Variants in LTN1 observed in about 807,000 individuals in gnomAD.
The protein encoded by LTN1 is listerin E3 ubiquitin protein ligase 1.
Under a neutral mutation model 201.2 loss-of-function variants are expected in LTN1, and 88 were observed. That is an observed-to-expected ratio of 0.44 (90% CI 0.37 to 0.52). LTN1 has a LOEUF of 0.52. Ranked by LOEUF, LTN1 falls within the 20% of genes least tolerant of loss-of-function variation. The pLI, the probability that LTN1 is intolerant of heterozygous loss-of-function variation, is 0.00. For missense variants in LTN1, 1,752 were observed against 2,038.7 expected, an observed-to-expected ratio of 0.86 and a Z score of 2.71; for synonymous variants, 645 against 713.5, an observed-to-expected ratio of 0.90 and a Z score of 1.53.
At chr21:28,985,281 G>T (rs1374013053) in intron 3 of LTN1, among the ~76,000 whole-genome samples, 1 of 151,912 alleles carries the variant, frequency 6.6e-6, no homozygotes, top group Non-Finnish European at 1.5e-5. Flanking sequence ...CCAACATGGT[G>T]AAACCCCGTC....
Position 28,944,443 on chromosome 21 carries a change from T to C in LTN1, c.3922A>G (p.Lys1308Glu). The stretch of plus-strand genomic sequence containing the variant: ...TGGATGCCTTGGGAAAAAAATTCTT[T>C]CCATTCACTGATTAGATTTACAGGA... ...NLPVNLISEW[K>E]EFFSQGIHSL... The change falls in exon 22 of 30, where the codon AAA (lysine) becomes GAA (glutamate). Residue 1308 changes from lysine (K) to glutamate (E), a missense_variant. By Grantham distance (56) the Lys-to-Glu change is moderately conservative. Transcript: ENST00000361371. The C allele has an allele frequency of 6.2e-7, 1 of 1,614,060 alleles. No homozygotes were observed. Among genetic ancestry groups the C allele is most frequent in the Non-Finnish European group, 8.5e-7 (1 of 1,179,952 alleles).
chr21:28,982,835 G>T (rs771064040), intron 4 of LTN1, among the ~76,000 whole-genome samples: 5 of 152,232 alleles, frequency 3.3e-5, no homozygotes, highest in Non-Finnish European at 5.9e-5. Context: ...TCCAGTAACT[G>T]CTTTATCAGC....
intron 25 of LTN1, 143 bp from the exon 26 acceptor site, chr21:28,936,840 A>G (rs571791322): frequency 1.5e-6 from 1 of 655,222 alleles, no homozygotes; most frequent in African/African-American, 1.8e-5. Context: ...CATTTCTAAT[A>G]TCTTTCTCAA....
chr21:28,936,352 G>A (rs2084256607), intron 26 of LTN1, among the ~76,000 whole-genome samples, 174 bp downstream of exon 26: 1 of 152,084 alleles, frequency 6.6e-6, no homozygotes. Flanking sequence ...CAGTCTTATG[G>A]GTAAAAACTA....
At chr21:28,946,708 T>C (rs1165828934) in intron 19 of LTN1, among the ~76,000 whole-genome samples, 4 of 152,212 alleles carry the variant, frequency 2.6e-5, no homozygotes, top group African/African-American at 9.7e-5. Context: ...CAATAGCAGC[T>C]AGTACATGTG....
intron 5 of LTN1, 75 bp downstream of exon 5, chr21:28,982,241 C>T: frequency 7.7e-7 from 1 of 1,290,454 alleles, no homozygotes; most frequent in South Asian, 1.3e-5. Context: ...AACAAAAAGT[C>T]ACATTGAAAT....
chr21:28,958,332 A>T, intron 14 of LTN1, 54 bp downstream of exon 14: 2 of 1,513,726 alleles, frequency 1.3e-6, no homozygotes, highest in Non-Finnish European at 1.8e-6. Context: ...ATCTAATTTA[A>T]GGACACTGTT....
chr21:28,932,622 T>A lies in LTN1; in HGVS notation c.4918A>T (p.Thr1640Ser), dbSNP rs749830081. ...ATTREVMATY[T>S]IEDIVIELII... is the part of the protein sequence containing the mutation. ...AGTTCAATAACTATGTCCTCAATAGTATAAGTAGCCATTACCTCTCGAGTA... is the reference window on the plus strand; with the variant it reads ...AGTTCAATAACTATGTCCTCAATAGAATAAGTAGCCATTACCTCTCGAGTA... The change falls in exon 28 of 30, where the codon ACT (threonine) becomes TCT (serine). Residue 1640 changes from threonine to serine, a missense_variant. Transcript: ENST00000361371. The A allele has an allele frequency of 6.2e-7, 1 of 1,613,462 alleles. No individual in the cohort carries two copies. The highest frequency in any genetic ancestry group is 8.5e-7 in the Non-Finnish European group (1 of 1,179,640).
rs1275448090 is a variant in LTN1 at position 28,984,778 on chromosome 21, A to G, written c.490T>C (p.Phe164Leu). ...GCTTCAAATGCATCTTTTGCTGCAA[A>G]CGCAGCTGGTGTGTAAGTATCACAC... ...AQCDTYTPAA[F>L]AAKDAFEAAF... The change falls in exon 4 of 30, where the codon TTT becomes CTT. Residue 164 changes from phenylalanine to leucine, a missense_variant. By Grantham distance (22) the Phe-to-Leu change is conservative (BLOSUM62 0). Transcript: ENST00000361371. 6.2e-7 allele frequency: 1 copy of G among 1,614,022 alleles called. No individual in the cohort carries two copies. Among genetic ancestry groups the G allele is most frequent in the Non-Finnish European group, 8.5e-7 (1 of 1,179,970 alleles).
rs777270767 is a variant in LTN1, at chr21:28,943,352, T to C, written c.4221-16A>G. On this transcript the variant is annotated splice_polypyrimidine_tract_variant and intron_variant, in intron 23 of 29. Transcript: ENST00000361371. ...AGGCATCAATCTAGAAATTAGAACA[T>C]TATTTTTAAATATGTGATATTAAAC... The C allele has an allele frequency of 6.8e-7, 1 of 1,477,820 alleles. No individual in the cohort carries two copies. Among genetic ancestry groups the C allele is most frequent in the Non-Finnish European group, 9.4e-7 (1 of 1,064,512 alleles). 91.5% of individuals were successfully genotyped at this position (1,477,820 alleles called of 1,614,324 possible). A position where few individuals can be genotyped will look rare whatever the true frequency, so the allele number is the denominator to read the frequency against.
At chr21:28,978,126 T>A (rs1379027839) in intron 6 of LTN1, among the ~76,000 whole-genome samples, 1 of 151,976 alleles carries the variant, frequency 6.6e-6, no homozygotes, top group Admixed American at 6.6e-5. Flanking sequence ...CTTCCTGGGA[T>A]CAAGCGATCC....
intron 12 of LTN1, among the ~76,000 whole-genome samples, chr21:28,960,098 G>A (rs572968375): frequency 1.1e-4 from 16 of 152,246 alleles, no homozygotes; most frequent in South Asian, 2.1e-4. Context: ...TGGGCGCAGC[G>A]GCTCACGCCT....
At chr21:28,935,461 T>G in intron 26 of LTN1, 132 bp from the exon 27 acceptor site, 1 of 624,750 alleles carries the variant, frequency 1.6e-6, no homozygotes, top group Non-Finnish European at 2.8e-6. Flanking sequence ...AAAACAAACA[T>G]ACCAGAGAAA....
At chr21:28,982,746 A>G (rs1331441329) in intron 4 of LTN1, among the ~76,000 whole-genome samples, 1 of 152,168 alleles carries the variant, frequency 6.6e-6, no homozygotes, top group Non-Finnish European at 1.5e-5. Flanking sequence ...GCTCTGCTCC[A>G]TCACAGAGGA....
Position 28,984,697 on chromosome 21 carries a change from T to C in LTN1, c.571A>G (p.Thr191Ala). 1 of 1,611,168 alleles carries C rather than the reference T, an allele frequency of 6.2e-7. No homozygotes were observed. Among genetic ancestry groups the C allele is most frequent in the Non-Finnish European group, 8.5e-7 (1 of 1,177,654 alleles). ...AGAATGATTCCAGAACTTACACTTG[T>C]AATTTCATCCTTACAAAATGCTATG... ...EAIAFCKDEITSVLQDHLIKE... is the reference protein window; with the variant it reads ...EAIAFCKDEIASVLQDHLIKE... Residue 191 changes from threonine to alanine, a missense_variant, in exon 4 of 30, where the codon ACA (threonine) becomes GCA (alanine). Around this residue, in one of 3 missense-constraint regions of LTN1, gnomAD observed 280 missense variants for 375.7 expected, o/e 0.75. Coordinates refer to ENST00000361371, the MANE Select transcript of LTN1 (RefSeq NM_015565.3).
rs796746936 is a variant in LTN1, at chr21:28,989,968, ACT to A, written c.42+2794_42+2795del. Among the ~76,000 whole-genome samples the A allele has an allele frequency of 7.2e-4, 107 of 148,636 alleles. 2 individuals carry two copies. The highest frequency in any genetic ancestry group is 2.4e-3 in the African/African-American group (96 of 40,184). On this transcript the variant is annotated intron_variant, in intron 1 of 29. Coordinates refer to ENST00000361371, the MANE Select transcript of LTN1 (RefSeq NM_015565.3). ...GAGGTGGAGGTTGCAGTGACCCGAGACTCTGTCTCAAAAAAAAAAAAAAAGTT... is the reference window on the plus strand; with the variant it reads ...GAGGTGGAGGTTGCAGTGACCCGAGACTGTCTCAAAAAAAAAAAAAAAGTT...
chr21:28,957,119 G>C (rs1395668943), intron 15 of LTN1, among the ~76,000 whole-genome samples, 171 bp from the exon 16 acceptor site: 3 of 152,170 alleles, frequency 2.0e-5, no homozygotes, highest in Non-Finnish European at 4.4e-5. Context: ...CTTAAGTACA[G>C]AACTAGGTCC....
intron 6 of LTN1, among the ~76,000 whole-genome samples, chr21:28,980,283 C>T (rs934762023): frequency 1.3e-5 from 2 of 150,228 alleles, no homozygotes; most frequent in Non-Finnish European, 3.0e-5. Context: ...TACGCTTTAT[C>T]CAGGCATGAG....
intron 11 of LTN1, among the ~76,000 whole-genome samples, chr21:28,962,559 C>T (rs974562678): frequency 1.3e-5 from 2 of 152,142 alleles, no homozygotes; most frequent in African/African-American, 2.4e-5. Context: ...CCCCGCTGAC[C>T]GACCATTCCC....
Sources: allele counts gnomAD v4.1 joint callset (sites outside exome capture counted in the v4.1 genomes callset), GRCh38; gene constraint gnomAD v4.1.1; regional missense constraint gnomAD v4.1.1; transcripts MANE v1.5; gene names NCBI Gene and HGNC (gene_info 2026-07-23, HGNC 2026-07-21).